Variants in ZIC4 observed in about 807,000 individuals in gnomAD.
ZIC4 encodes Zic family zinc finger 4.
In ZIC4, 15 loss-of-function variants were observed where a neutral mutation model predicts 28.8. That is an observed-to-expected ratio of 0.52 (90% CI 0.35 to 0.80). The LOEUF (loss-of-function observed/expected upper bound fraction) is 0.80, where lower values mean the gene tolerates loss of function less well. Among genes scored for constraint, ZIC4 ranks in the 30% least tolerant of loss-of-function variants. ZIC4 has a pLI of 0.01. For missense variants in ZIC4, 512 were observed against 467.1 expected, an observed-to-expected ratio of 1.10 and a Z score of -0.89; for synonymous variants, 220 against 198.1, an observed-to-expected ratio of 1.11 and a Z score of -0.93.
chr3:147,403,844 C>T, intron 1 of ZIC4: 1 of 513,480 alleles, frequency 1.9e-6, no homozygotes, highest in Non-Finnish European at 2.9e-6. Context: ...GCACAAAGAT[C>T]TCTCTCTCTC....
At chr3:147,394,468 TAAAAAAAA>T (rs3058048) in intron 3 of ZIC4, among the ~76,000 whole-genome samples, 3 of 137,380 alleles carry the variant, frequency 2.2e-5, no homozygotes, top group Non-Finnish European at 4.7e-5. Flanking sequence ...TTTGTTTGTT[TAAAAAAAA>T]AAAAAAAAAA....
In ZIC4 at chr3:147,395,913, C is replaced by T; in HGVS notation, c.627G>A (p.Pro209=). Residue 209 remains proline, a synonymous_variant, in exon 3 of 5, where the codon CCG becomes CCA. Transcript: ENST00000383075. ...TGEKPFPCPF[P]GCGKVFARSE... ...ATCTAGCAAAGACCTTCCCACACCCCGGGAAAGGACAAGGGAAGGGCTTCT... is the reference window on the plus strand; with the variant it reads ...ATCTAGCAAAGACCTTCCCACACCCTGGGAAAGGACAAGGGAAGGGCTTCT... 4.3e-6 allele frequency: 7 copies of T among 1,614,216 alleles called. No individual in the cohort carries two copies. The highest frequency in any genetic ancestry group is 1.7e-5 in the Admixed American group (1 of 60,022).
Position 147,391,122 on chromosome 3 carries a change from G to A in ZIC4, c.813C>T (p.Cys271=), listed in dbSNP as rs1277039663. ...DKPYTCKVRG[C]DKCYTHPSSL... ...AGCTGGGGTGCGTGTAGCACTTGTC[G>A]CAGCCCCGCACCTTGCACGTGTATG... Residue 271 remains cysteine, a synonymous_variant, in exon 4 of 5, where the codon TGC becomes TGT. Transcript: ENST00000383075. 3 of 1,614,016 alleles carry A rather than the reference G, an allele frequency of 1.9e-6. No individual in the cohort carries two copies. Among genetic ancestry groups the A allele is most frequent in the East Asian group, 2.2e-5 (1 of 44,882 alleles).
intron 1 of ZIC4, chr3:147,405,342 C>T: frequency 6.6e-7 from 1 of 1,522,008 alleles, no homozygotes; most frequent in Non-Finnish European, 8.8e-7. Context: ...GCTGCGAGGA[C>T]AATACTGTCG....
Position 147,390,838 on chromosome 3 carries a change from G to A in ZIC4, c.1004+93C>T. On this transcript the variant is annotated intron_variant, in intron 4 of 4. Transcript: ENST00000383075. ...CACAGAGGCAGCCCTAATACCGGAG[G>A]CGGCGGCGGCAGCAGCAGGGCCAGG... is the stretch of plus-strand genomic sequence containing the variant. 2.1e-6 allele frequency: 3 copies of A among 1,426,622 alleles called. No individual in the cohort carries two copies. In the South Asian group the frequency reaches 4.3e-5, roughly 20 times the overall value. The allele number at this position is 1,426,622 out of a possible 1,614,324, so 88.4% of individuals were successfully genotyped here.
At chr3:147,389,528 C>G (rs1047811932) in intron 4 of ZIC4, among the ~76,000 whole-genome samples, 8 of 152,110 alleles carry the variant, frequency 5.3e-5, no homozygotes, top group African/African-American at 1.9e-4. Flanking sequence ...TTTTCCTTTA[C>G]TTCTTCAAGT....
chr3:147,396,754 G>A lies in ZIC4; in HGVS notation c.71-285C>T, dbSNP rs2087057958. The A allele has an allele frequency of 5.6e-6, 2 of 360,146 alleles. No homozygotes were observed. Among genetic ancestry groups the A allele is most frequent in the African/African-American group, 2.1e-5 (1 of 47,464 alleles). 22.3% of individuals were successfully genotyped at this position (360,146 alleles called of 1,614,324 possible). Reference sequence around the variant, plus strand: ...TGTAAGGGGTAATGGAAGGCGCAGGGCTGAGTCTGTGGGTTGCTGGGGGTT... The same window carrying A: ...TGTAAGGGGTAATGGAAGGCGCAGGACTGAGTCTGTGGGTTGCTGGGGGTT... On this transcript the variant is annotated intron_variant, in intron 2 of 4. Coordinates refer to ENST00000383075, the MANE Select transcript of ZIC4 (RefSeq NM_032153.6). This position sits in a 1 kb window ranked among gnomAD's most constrained non-coding sequence, Gnocchi z 4.2.
At chr3:147,390,525 A>C (rs2086890107) in intron 4 of ZIC4, among the ~76,000 whole-genome samples, 1 of 152,012 alleles carries the variant, frequency 6.6e-6, no homozygotes, top group South Asian at 2.1e-4. Flanking sequence ...ATTGCACATA[A>C]ATTCTCCAAC....
At chr3:147,388,918 A>C in intron 4 of ZIC4, 59 bp from the exon 5 acceptor site, 1 of 775,644 alleles carries the variant, frequency 1.3e-6, no homozygotes, top group South Asian at 1.4e-5. Flanking sequence ...ATTTTGTTTT[A>C]TTTCATTATT....
At chr3:147,405,709 C>T (rs1347311476) in intron 1 of ZIC4, 2 of 570,622 alleles carry the variant, frequency 3.5e-6, no homozygotes, top group Non-Finnish European at 6.2e-6. Context: ...CAGATCCCAG[C>T]AGTCAGCTTC....
At chr3:147,393,741 G>C in intron 3 of ZIC4, 1 of 360,656 alleles carries the variant, frequency 2.8e-6, no homozygotes, top group South Asian at 2.0e-5. Context: ...CTCGCCCTCA[G>C]ACGCCGGGGA....
rs1167798895 is a variant in ZIC4, at chr3:147,402,754, A to C, written c.44T>G (p.Leu15Arg). ...TGACTCTTTAAGAGTGTTTCGGTAA[A>C]GCCGTAATCGTTTCCTCATCACCAA... is the stretch of plus-strand genomic sequence containing the variant. Reference protein sequence around the residue: ...TSLVMRKRLRLYRNTLKESSS... With the variant: ...TSLVMRKRLRRYRNTLKESSS... Residue 15 changes from leucine to arginine, a missense_variant, in exon 2 of 5, where the codon CTT becomes CGT. Around this residue, in one of 3 missense-constraint regions of ZIC4, gnomAD observed 310 missense variants for 256.5 expected, o/e 1.21. Transcript: ENST00000383075. 6.2e-7 allele frequency: 1 copy of C among 1,613,888 alleles called. No homozygotes were observed. The highest frequency in any genetic ancestry group is 8.5e-7 in the Non-Finnish European group (1 of 1,179,944).
At chr3:147,395,676 C>T (rs138237508) in intron 3 of ZIC4, among the ~76,000 whole-genome samples, 176 bp downstream of exon 3, 1 of 152,142 alleles carries the variant, frequency 6.6e-6, no homozygotes, top group Admixed American at 6.5e-5. Flanking sequence ...ACACAGCCTC[C>T]GGAAACTTCT....
At chr3:147,393,600 C>T (rs2107969796) in intron 3 of ZIC4, 1 of 282,766 alleles carries the variant, frequency 3.5e-6, no homozygotes, top group Non-Finnish European at 7.0e-6. Context: ...GCCGGGTCCG[C>T]CGAACAAAGT....
intron 2 of ZIC4, among the ~76,000 whole-genome samples, chr3:147,398,821 T>A (rs1357062569): frequency 6.6e-6 from 1 of 152,144 alleles, no homozygotes; most frequent in African/African-American, 2.4e-5. Flanking sequence ...CTGCCCCTCC[T>A]CCCATCCCCA....
In ZIC4 at chr3:147,396,366, A is replaced by C; in HGVS notation, c.174T>G (p.Pro58=). 6.5e-7 allele frequency: 1 copy of C among 1,549,366 alleles called. No homozygotes were observed. The highest frequency in any genetic ancestry group is 2.3e-5 in the East Asian group (1 of 44,378). ...GCCCCAGACGCAGGAGTCCATTCAA[A>C]GGACGGCTGGGGGAGGCCTGGGGAG... ...EEPPQASPSR[P]LNGLLRLGLP... The change falls in exon 3 of 5, where the codon CCT becomes CCG. Residue 58 remains proline, a synonymous_variant. Transcript: ENST00000383075. This position sits in a 1 kb window ranked among gnomAD's most constrained non-coding sequence, Gnocchi z 4.2.
intron 1 of ZIC4, chr3:147,405,690 C>T: frequency 1.7e-6 from 1 of 603,172 alleles, no homozygotes; most frequent in East Asian, 2.9e-5. Flanking sequence ...GCTGGCCGCG[C>T]GCAGAGAGCA....
rs757845540 is a variant in ZIC4 at position 147,396,050 on chromosome 3, C to T, written c.490G>A (p.Gly164Ser). ...LVTHVTVEHV[G>S]GPEQANHICF... is the part of the protein sequence containing the mutation. ...ATGTGGTTGGCCTGTTCCGGGCCGC[C>T]GACGTGCTCCACGGTGACGTGCGTG... The change falls in exon 3 of 5, where the codon GGC becomes AGC. Residue 164 changes from glycine to serine, a missense_variant. Coordinates refer to ENST00000383075, the MANE Select transcript of ZIC4 (RefSeq NM_032153.6). The surrounding 1 kb of genome is among the most constrained non-coding windows in gnomAD (Gnocchi z 4.2). The T allele has an allele frequency of 1.9e-6, 3 of 1,614,224 alleles. No homozygotes were observed. The highest frequency in any genetic ancestry group is 2.2e-5 in the South Asian group (2 of 91,088).
At chr3:147,399,764 C>A (rs1411814107) in intron 2 of ZIC4, among the ~76,000 whole-genome samples, 1 of 150,534 alleles carries the variant, frequency 6.6e-6, no homozygotes, top group Non-Finnish European at 1.5e-5. Context: ...CTCCCTGGTT[C>A]AAGCGATTCT....
Sources: allele counts gnomAD v4.1 joint callset (sites outside exome capture counted in the v4.1 genomes callset), GRCh38; gene constraint gnomAD v4.1.1; regional missense constraint gnomAD v4.1.1; non-coding constraint Gnocchi (gnomAD v3.1); transcripts MANE v1.5; gene names NCBI Gene and HGNC (gene_info 2026-07-23, HGNC 2026-07-21).